Variants in SORCS3 observed in about 807,000 individuals in gnomAD.
The protein encoded by SORCS3 is sortilin related VPS10 domain containing receptor 3.
Under a neutral mutation model 146.3 loss-of-function variants are expected in SORCS3, and 57 were observed. The observed-to-expected ratio is 0.39, with a 90% confidence interval of 0.31 to 0.49. The LOEUF is 0.49. SORCS3 is among the 20% of genes least tolerant of loss of function. The pLI is 0.92. For synonymous variants in SORCS3, 653 were observed against 618.5 expected (o/e 1.06, Z -0.83); for missense variants, 1,341 against 1,575.5 (o/e 0.85, Z 2.52).
rs899647225 is a variant in SORCS3, at chr10:104,852,308, T to C, written c.695+9449T>C. ...GGATCTTCCAGTTCTCAGCAGCCCCTTTTTCTTGCTGTCATGTTGGTAAGC... is the reference window on the plus strand; with the variant it reads ...GGATCTTCCAGTTCTCAGCAGCCCCCTTTTCTTGCTGTCATGTTGGTAAGC... On this transcript the variant is annotated intron_variant, in intron 2 of 26. Coordinates refer to ENST00000369701, the MANE Select transcript of SORCS3 (RefSeq NM_014978.3). 6.6e-5 allele frequency among the ~76,000 whole-genome samples: 10 copies of C among 152,328 alleles called. No homozygotes were observed. In the East Asian group the frequency reaches 1.9e-3, roughly 29 times the overall value.
At chr10:104,860,409 G>A (rs1452613990) in intron 2 of SORCS3, among the ~76,000 whole-genome samples, 1 of 135,668 alleles carries the variant, frequency 7.4e-6, no homozygotes, top group Non-Finnish European at 1.6e-5. Context: ...TCACACTCTG[G>A]GGACTGTTGT....
At chr10:105,054,925 A>T (rs2133713488) in intron 5 of SORCS3, among the ~76,000 whole-genome samples, 1 of 152,330 alleles carries the variant, frequency 6.6e-6, no homozygotes, top group Non-Finnish European at 1.5e-5. Context: ...CATCCAAATG[A>T]ATTTAGAATC....
intron 9 of SORCS3, among the ~76,000 whole-genome samples, chr10:105,155,198 T>A (rs2056198147): frequency 6.6e-6 from 1 of 152,112 alleles, no homozygotes; most frequent in Non-Finnish European, 1.5e-5. Context: ...GTAATGGTAA[T>A]GGTAATGATT....
At chr10:104,870,689 G>T (rs974373579) in intron 2 of SORCS3, among the ~76,000 whole-genome samples, 1 of 152,172 alleles carries the variant, frequency 6.6e-6, no homozygotes, top group African/African-American at 2.4e-5. Flanking sequence ...CTCACTTGGA[G>T]AGGGAGAGCC....
intron 1 of SORCS3, among the ~76,000 whole-genome samples, chr10:104,759,160 G>A (rs1264537954): frequency 1.3e-5 from 2 of 152,166 alleles, no homozygotes. Context: ...TTAAGGCAGA[G>A]ATCAGGGTGA....
chr10:104,682,233 A>G (rs1372394818), intron 1 of SORCS3, among the ~76,000 whole-genome samples: 2 of 152,238 alleles, frequency 1.3e-5, no homozygotes, highest in Non-Finnish European at 2.9e-5. Flanking sequence ...AAAAATCTTC[A>G]TGCTAGTTCA....
intron 5 of SORCS3, among the ~76,000 whole-genome samples, chr10:105,057,830 C>T (rs1439424976): frequency 2.0e-5 from 3 of 152,114 alleles, no homozygotes; most frequent in South Asian, 2.1e-4. Context: ...CTGAACGTAG[C>T]GTATTCTACC....
intron 3 of SORCS3, among the ~76,000 whole-genome samples, chr10:104,941,256 ACCT>A (rs2019317699): frequency 6.6e-6 from 1 of 152,034 alleles, no homozygotes. Context: ...AGAATGCCTA[ACCT>A]CCTGGGATGC....
chr10:104,815,562 C>G (rs1037837462), intron 1 of SORCS3, among the ~76,000 whole-genome samples: 1 of 151,820 alleles, frequency 6.6e-6, no homozygotes, highest in Non-Finnish European at 1.5e-5. Context: ...TCACCACACT[C>G]CTAATTATTC....
chr10:105,099,381 T>A (rs2055767730), intron 6 of SORCS3, among the ~76,000 whole-genome samples: 1 of 147,910 alleles, frequency 6.8e-6, no homozygotes, highest in East Asian at 1.9e-4. Context: ...GTTGAGTAAA[T>A]CACAGAAAGT....
intron 1 of SORCS3, among the ~76,000 whole-genome samples, chr10:104,808,452 G>C (rs1427622563): frequency 1.3e-5 from 2 of 152,142 alleles, no homozygotes; most frequent in East Asian, 3.8e-4. Flanking sequence ...CTAAATGGGG[G>C]CAACAGGGAA....
chr10:105,199,435 A>C (rs2056562204), intron 14 of SORCS3, among the ~76,000 whole-genome samples: 1 of 152,108 alleles, frequency 6.6e-6, no homozygotes, highest in African/African-American at 2.4e-5. Flanking sequence ...GTAGGTATTC[A>C]TGTGCGTTAA....
At chr10:105,079,652 C>G (rs1319215883) in intron 5 of SORCS3, among the ~76,000 whole-genome samples, 1 of 151,924 alleles carries the variant, frequency 6.6e-6, no homozygotes, top group East Asian at 1.9e-4. Flanking sequence ...GTTTGATGTA[C>G]AGATTATTTT....
Position 104,677,428 on chromosome 10 carries a change from T to A in SORCS3, c.627+35474T>A, listed in dbSNP as rs1279519591. 2.0e-5 allele frequency among the ~76,000 whole-genome samples: 3 copies of A among 152,188 alleles called. No individual in the cohort carries two copies. The South Asian group carries it at 6.2e-4, about 32-fold the overall frequency. Reference sequence around the variant, plus strand: ...AAAAAGGACTGAAGAAGAAACAGAATAAAGAGAGGTTGAATGCAAATGTGT... The same window carrying A: ...AAAAAGGACTGAAGAAGAAACAGAAAAAAGAGAGGTTGAATGCAAATGTGT... On this transcript the variant is annotated intron_variant, in intron 1 of 26. Coordinates refer to ENST00000369701, the MANE Select transcript of SORCS3 (RefSeq NM_014978.3).
At chr10:104,719,614 G>A (rs985611395) in intron 1 of SORCS3, among the ~76,000 whole-genome samples, 1 of 152,180 alleles carries the variant, frequency 6.6e-6, no homozygotes, top group Non-Finnish European at 1.5e-5. Context: ...GGGATGGTGG[G>A]ATCATTTATA....
chr10:104,821,785 C>T (rs1324945445), intron 1 of SORCS3, among the ~76,000 whole-genome samples: 1 of 152,162 alleles, frequency 6.6e-6, no homozygotes, highest in Non-Finnish European at 1.5e-5. Context: ...AATAAGTACC[C>T]TTGTTAGCAC....
At position 105,121,903 on chromosome 10, in the gene SORCS3, G is replaced by A. The variant is rs116448515; in HGVS notation, c.1212+16388G>A. 7.1e-3 allele frequency among the ~76,000 whole-genome samples: 1,088 copies of A among 152,178 alleles called. 18 individuals are homozygous for A. The highest frequency in any genetic ancestry group is 0.025 in the African/African-American group (1,022 of 41,536). On this transcript the variant is annotated intron_variant, in intron 7 of 26. Coordinates refer to ENST00000369701, the MANE Select transcript of SORCS3 (RefSeq NM_014978.3). ...CAGCCCTTTCCTCCTCCCTGTGTAC[G>A]TCTTGCCATGCATTATGCATTTGGA...
intron 19 of SORCS3, among the ~76,000 whole-genome samples, chr10:105,222,042 CA>C (rs2056705906): frequency 8.4e-6 from 1 of 118,764 alleles, no homozygotes; most frequent in African/African-American, 3.0e-5. Flanking sequence ...GATACCTTAA[CA>C]CTTTTTTTTT....
intron 20 of SORCS3, among the ~76,000 whole-genome samples, chr10:105,242,390 T>A (rs377577620): frequency 9.0e-6 from 1 of 111,622 alleles, no homozygotes; most frequent in Non-Finnish European, 1.7e-5. Flanking sequence ...TTATATATAT[T>A]TATATATTTA....
Sources: allele counts gnomAD v4.1 joint callset (sites outside exome capture counted in the v4.1 genomes callset), GRCh38; gene constraint gnomAD v4.1.1; transcripts MANE v1.5; gene names NCBI Gene and HGNC (gene_info 2026-07-23, HGNC 2026-07-21).